ACAT1: variants seen among roughly 807,000 people sequenced by gnomAD.
The protein encoded by ACAT1 is acetyl-CoA acetyltransferase, mitochondrial.
In ACAT1, 28 loss-of-function variants were observed where a neutral mutation model predicts 47.3. That is an observed-to-expected ratio of 0.59 (90% CI 0.44 to 0.81). The LOEUF (loss-of-function observed/expected upper bound fraction) is 0.81, where lower values mean the gene tolerates loss of function less well. Among genes scored for constraint, ACAT1 ranks in the 30% least tolerant of loss-of-function variants. The pLI, the probability that ACAT1 is intolerant of heterozygous loss-of-function variation, is 0.00. For synonymous variants in ACAT1, 181 were observed against 173.6 expected, an observed-to-expected ratio of 1.04 and a Z score of -0.34; for missense variants, 469 against 524.3, an observed-to-expected ratio of 0.89 and a Z score of 1.03.
intron 1 of ACAT1, among the ~76,000 whole-genome samples, chr11:108,131,002 C>T (rs780916123): frequency 1.8e-4 from 28 of 152,172 alleles, no homozygotes; most frequent in Non-Finnish European, 2.8e-4. Flanking sequence ...ATATGCCCAC[C>T]GCAGCCTTCC....
At chr11:108,142,590 A>G in intron 9 of ACAT1, 40 bp downstream of exon 9, 1 of 1,518,492 alleles carries the variant, frequency 6.6e-7, no homozygotes, top group Non-Finnish European at 9.1e-7. Context: ...TAATCCCAGC[A>G]CTTTCGGAGG....
chr11:108,127,558 G>A (rs183983157), intron 1 of ACAT1, among the ~76,000 whole-genome samples: 65 of 152,278 alleles, frequency 4.3e-4, no homozygotes, highest in Admixed American at 3.1e-3. Context: ...GTGAGCCACT[G>A]TGCCCGGCCT....
chr11:108,141,041 C>T (rs1421379549), intron 7 of ACAT1, among the ~76,000 whole-genome samples: 4 of 151,494 alleles, frequency 2.6e-5, no homozygotes, highest in South Asian at 2.1e-4. Flanking sequence ...GCCTGGGCAA[C>T]GAAGTGAGAC....
chr11:108,137,690 C>G (rs542896066), intron 5 of ACAT1, among the ~76,000 whole-genome samples: 1 of 152,106 alleles, frequency 6.6e-6, no homozygotes, highest in African/African-American at 2.4e-5. Flanking sequence ...ACCTGTAATC[C>G]GAGCACTTTG....
At chr11:108,141,369 C>CAAAAAAAAAAAAAAAAAAAAAAAAAAA (rs60002941) in intron 7 of ACAT1, among the ~76,000 whole-genome samples, 2 of 69,324 alleles carry the variant, frequency 2.9e-5, no homozygotes, top group African/African-American at 6.2e-5. Flanking sequence ...AACCCTGCCT[C>CAAAAAAAAAAAAAAAAAAAAAAAAAAA]AAAAAAAAAA....
intron 1 of ACAT1, among the ~76,000 whole-genome samples, chr11:108,131,506 A>C (rs1056899662): frequency 4.0e-5 from 6 of 151,652 alleles, no homozygotes; most frequent in Non-Finnish European, 8.8e-5. Flanking sequence ...CATGTGCCAC[A>C]ATGCTGGGCT....
At chr11:108,134,044 C>G in intron 3 of ACAT1, 107 bp downstream of exon 3, 13 of 1,189,116 alleles carry the variant, frequency 1.1e-5, no homozygotes, top group Non-Finnish European at 1.6e-5. Context: ...AACTTAATGC[C>G]TACATTTCTG....
chr11:108,135,661 C>T (rs372380346), intron 5 of ACAT1, among the ~76,000 whole-genome samples: 22 of 152,164 alleles, frequency 1.4e-4, no homozygotes, highest in African/African-American at 5.3e-4. Flanking sequence ...AACCCCGTCT[C>T]TACTAAAAAT....
At chr11:108,124,999 A>G (rs779887958) in intron 1 of ACAT1, among the ~76,000 whole-genome samples, 1 of 152,136 alleles carries the variant, frequency 6.6e-6, no homozygotes, top group African/African-American at 2.4e-5. Context: ...TGGTTTCATA[A>G]CATTTACTGT....
chr11:108,119,107 T>C (rs2077108431), upstream of ACAT1, among the ~76,000 whole-genome samples: 1 of 152,198 alleles, frequency 6.6e-6, no homozygotes, highest in Non-Finnish European at 1.5e-5. Flanking sequence ...ATAATGCTAC[T>C]CCCTAATTCA....
Position 108,134,240 on chromosome 11 carries a change from G to C in ACAT1, c.258G>C (p.Val86=), listed in dbSNP as rs1483933263. 6.2e-7 allele frequency: 1 copy of C among 1,610,526 alleles called. No individual in the cohort carries two copies. Among genetic ancestry groups the C allele is most frequent in the South Asian group, 1.1e-5 (1 of 90,670 alleles). ...IEKAGIPKEE[V]KEAYMGNVLQ... is the part of the protein sequence containing the mutation. ...ATAAAGGGATTCCAAAAGAAGAAGT[G>C]AAAGAAGCATACATGGGTAATGTTC... Residue 86 remains valine (V), a synonymous_variant, in exon 4 of 12, where the codon GTG becomes GTC. Coordinates refer to ENST00000265838, the MANE Select transcript of ACAT1 (RefSeq NM_000019.4).
At position 108,143,934 on chromosome 11, in the gene ACAT1, G is replaced by GT. The variant is rs749290076; in HGVS notation, c.941-48dup. On this transcript the variant is annotated intron_variant, in intron 9 of 11. Transcript: ENST00000265838. The stretch of plus-strand genomic sequence containing the variant: ...ACTTGGCTTGTGCATATTCTATACA[G>GT]TAAAAAAAAAAAGATTTTAACAACC... The GT allele has an allele frequency of 8.8e-6, 11 of 1,243,484 alleles. No homozygotes were observed. The African/African-American group carries it at 9.4e-5, about 11-fold the overall frequency. The allele number at this position is 1,243,484 out of a possible 1,614,324, so 77.0% of individuals were successfully genotyped here.
At chr11:108,126,267 G>A (rs2077245874) in intron 1 of ACAT1, among the ~76,000 whole-genome samples, 1 of 152,052 alleles carries the variant, frequency 6.6e-6, no homozygotes, top group Admixed American at 6.6e-5. Flanking sequence ...CCTCCCAAAG[G>A]GCTGGGATTA....
chr11:108,133,793 A>G (rs1178740758), intron 2 of ACAT1, 27 bp from the exon 3 acceptor site: 1 of 1,560,964 alleles, frequency 6.4e-7, no homozygotes, highest in Non-Finnish European at 8.8e-7. Context: ...AAATACCTAT[A>G]ATTTTTACCA....
chr11:108,134,619 C>A (rs1337281576), intron 4 of ACAT1, among the ~76,000 whole-genome samples: 1 of 120,432 alleles, frequency 8.3e-6, no homozygotes, highest in Non-Finnish European at 1.6e-5. Flanking sequence ...ACCTGGGCGA[C>A]AGAGTGAGAT....
chr11:108,129,557 T>TG (rs2077317619), intron 1 of ACAT1, among the ~76,000 whole-genome samples: 1 of 151,974 alleles, frequency 6.6e-6, no homozygotes, highest in Non-Finnish European at 1.5e-5. Flanking sequence ...TTAGTAGAGT[T>TG]GGGGTTTCAC....
intron 1 of ACAT1, among the ~76,000 whole-genome samples, chr11:108,130,693 T>C (rs534045393): frequency 5.3e-4 from 81 of 152,242 alleles, no homozygotes; most frequent in African/African-American, 1.6e-3. Flanking sequence ...GCCCAGCTAC[T>C]GATAGTCTAA....
chr11:108,142,207 T>A (rs2077603808), intron 8 of ACAT1, among the ~76,000 whole-genome samples: 1 of 152,222 alleles, frequency 6.6e-6, no homozygotes, highest in African/African-American at 2.4e-5. Context: ...TCCAGTGCCA[T>A]CATGCATGTT....
intron 9 of ACAT1, chr11:108,142,850 G>A: frequency 5.9e-6 from 2 of 339,970 alleles, no homozygotes; most frequent in East Asian, 1.3e-4. Context: ...AAAAAATAAG[G>A]TTTCTAAACA....
Sources: gnomAD v4.1 joint callset for allele counts (sites outside exome capture counted in the v4.1 genomes callset) on GRCh38, gnomAD v4.1.1 for gene constraint, MANE v1.5 for transcripts, NCBI Gene and HGNC (gene_info 2026-07-23, HGNC 2026-07-21) for gene names.